PRPF39: variants seen among roughly 807,000 people sequenced by gnomAD.
PRPF39 encodes pre-mRNA processing factor 39.
A neutral mutation model predicts 82.1 loss-of-function variants in PRPF39; 27 were observed. The observed-to-expected ratio is 0.33, with a 90% CI of 0.24 to 0.45. The LOEUF (loss-of-function observed/expected upper bound fraction) is 0.45. Ranked by LOEUF, PRPF39 falls within the 20% of genes least tolerant of loss-of-function variation. The pLI, the probability that PRPF39 is intolerant of heterozygous loss-of-function variation, is 1.00. For missense variants in PRPF39, 581 were observed against 796.9 expected, an observed-to-expected ratio of 0.73 and a Z score of 3.26; for synonymous variants, 261 against 256.4, an observed-to-expected ratio of 1.02 and a Z score of -0.17.
In PRPF39 at chr14:45,112,449, A is replaced by G. The variant is rs1230932152; in HGVS notation, c.1704A>G (p.Thr568=). The G allele has an allele frequency of 1.3e-6, 2 of 1,541,252 alleles. No individual in the cohort carries two copies. Among genetic ancestry groups the G allele is most frequent in the East Asian group, 2.4e-5 (1 of 42,410 alleles). ...HGSLPIKMRI[T]FSQRKVEFLE... ...CATTACCTATTAAAATGAGAATTAC[A>G]TTTTCTCAGAGAAAAGTGGAATTTC... is the stretch of plus-strand genomic sequence containing the variant. The change falls in exon 11 of 14, where the codon ACA becomes ACG. Residue 568 remains threonine (T), a synonymous_variant. Transcript: ENST00000355765.
rs764441033 is a variant in PRPF39 at position 45,114,909 on chromosome 14, C to A, written c.2006C>A (p.Thr669Asn). The A allele has an allele frequency of 4.4e-6, 7 of 1,592,482 alleles. No homozygotes were observed. In the East Asian group the frequency reaches 1.6e-4, roughly 36 times the overall value. The change falls in exon 14 of 14, where the codon ACC (threonine) becomes AAC (asparagine). Residue 669 changes from threonine (T) to asparagine (N), a missense_variant. By Grantham distance (65) the Thr-to-Asn change is moderately conservative. Coordinates refer to ENST00000355765, the MANE Select transcript of PRPF39 (RefSeq NM_017922.4). ...GGACAATATTATCCTCCCCCTCCAA[C>A]CTGATGGGAAAAATGTAAATTTCAA... is the stretch of plus-strand genomic sequence containing the variant. ...NYGQYYPPPP[T>N]
intron 8 of PRPF39, 76 bp downstream of exon 8, chr14:45,109,856 G>C: frequency 6.6e-7 from 1 of 1,521,548 alleles, no homozygotes. Flanking sequence ...TTGTACTTCT[G>C]TTGAATGTTG....
chr14:45,088,914 T>G (rs1416186564), intron 1 of PRPF39, among the ~76,000 whole-genome samples: 1 of 152,242 alleles, frequency 6.6e-6, no homozygotes, highest in Non-Finnish European at 1.5e-5. Context: ...TATTCTATTT[T>G]CCATTTGAAG....
intron 4 of PRPF39, 88 bp downstream of exon 4, chr14:45,097,093 A>G (rs1884221949): frequency 1.4e-6 from 2 of 1,415,018 alleles, no homozygotes; most frequent in African/African-American, 1.4e-5. Flanking sequence ...GCTAAGCTGG[A>G]AGTTTAACTT....
chr14:45,108,486 G>A lies in PRPF39; in HGVS notation c.975G>A (p.Glu325=). 6.2e-7 allele frequency: 1 copy of A among 1,601,704 alleles called. No individual in the cohort carries two copies. Among genetic ancestry groups the A allele is most frequent in the Non-Finnish European group, 8.5e-7 (1 of 1,176,384 alleles). The stretch of plus-strand genomic sequence containing the variant: ...ATCAAGAAATGTTTAATTATAATGA[G>A]CATGAAGTTAGTAAAAGGTGGACAT... The part of the protein sequence containing the change: ...EIHQEMFNYN[E]HEVSKRWTFE... Residue 325 remains glutamate, a synonymous_variant, in exon 7 of 14, where the codon GAG becomes GAA. Coordinates refer to ENST00000355765, the MANE Select transcript of PRPF39 (RefSeq NM_017922.4).
chr14:45,093,385 G>A (rs1198847149), intron 1 of PRPF39, among the ~76,000 whole-genome samples: 1 of 151,486 alleles, frequency 6.6e-6, no homozygotes, highest in African/African-American at 2.4e-5. Context: ...ACCACACCCT[G>A]CTAATTTTTT....
chr14:45,104,331 T>C (rs1884461076), intron 5 of PRPF39, among the ~76,000 whole-genome samples: 1 of 152,214 alleles, frequency 6.6e-6, no homozygotes, highest in South Asian at 2.1e-4. Context: ...CCACTTTCCT[T>C]ATCAGTTATA....
chr14:45,110,517 C>T lies in PRPF39; in HGVS notation c.1304-32C>T, dbSNP rs1884668771. On this transcript the variant is annotated intron_variant, in intron 9 of 13. Transcript: ENST00000355765. The surrounding 1 kb of genome is among the most constrained non-coding windows in gnomAD (Gnocchi z 4.0). ...ATAAACGTTATTTTGGTTGTTTAAACCAAAGCATAAACATTTAATTACTGT... is the reference window on the plus strand; with the variant it reads ...ATAAACGTTATTTTGGTTGTTTAAATCAAAGCATAAACATTTAATTACTGT... 1.3e-6 allele frequency: 2 copies of T among 1,537,970 alleles called. No individual in the cohort carries two copies. Among genetic ancestry groups the T allele is most frequent in the Non-Finnish European group, 1.8e-6 (2 of 1,137,888 alleles).
intron 1 of PRPF39, among the ~76,000 whole-genome samples, chr14:45,095,007 A>C (rs563278143): frequency 6.2e-4 from 95 of 152,372 alleles, no homozygotes; most frequent in African/African-American, 2.2e-3. Flanking sequence ...TTTTCATTCA[A>C]ATACCAACAA....
In PRPF39 at chr14:45,110,330, T is replaced by C; in HGVS notation, c.1303+110T>C. ...GTAAAGCAGAGTTTGGCAAACTTTTTCTCTAAAGGGCCAGATAGTAAAAGC... is the reference window on the plus strand; with the variant it reads ...GTAAAGCAGAGTTTGGCAAACTTTTCCTCTAAAGGGCCAGATAGTAAAAGC... On this transcript the variant is annotated intron_variant, in intron 9 of 13. Coordinates refer to ENST00000355765, the MANE Select transcript of PRPF39 (RefSeq NM_017922.4). This position sits in a 1 kb window ranked among gnomAD's most constrained non-coding sequence, Gnocchi z 4.0. The C allele has an allele frequency of 3.5e-6, 5 of 1,434,442 alleles. No homozygotes were observed. Among genetic ancestry groups the C allele is most frequent in the Non-Finnish European group, 2.8e-6 (3 of 1,064,440 alleles). The allele number at this position is 1,434,442 out of a possible 1,614,324, so 88.9% of individuals were successfully genotyped here. A position where few individuals can be genotyped will look rare whatever the true frequency, so the allele number is the denominator to read the frequency against.
At chr14:45,097,800 A>G (rs1367165097) in intron 4 of PRPF39, among the ~76,000 whole-genome samples, 2 of 152,188 alleles carry the variant, frequency 1.3e-5, no homozygotes, top group Non-Finnish European at 1.5e-5. Context: ...TTGCTAATGT[A>G]CTTGTTTTTG....
chr14:45,093,978 A>T (rs1805380344), intron 1 of PRPF39, among the ~76,000 whole-genome samples: 1 of 152,154 alleles, frequency 6.6e-6, no homozygotes, highest in African/African-American at 2.4e-5. Flanking sequence ...TACAGTTGCT[A>T]TTTGGTACAC....
chr14:45,101,848 C>T (rs1469273453), intron 4 of PRPF39, among the ~76,000 whole-genome samples: 1 of 151,650 alleles, frequency 6.6e-6, no homozygotes, highest in Non-Finnish European at 1.5e-5. Context: ...GCTCTGTCGC[C>T]CAGTCTGGAG....
At chr14:45,105,415 C>CA (rs1884497113) in intron 5 of PRPF39, among the ~76,000 whole-genome samples, 1 of 151,806 alleles carries the variant, frequency 6.6e-6, no homozygotes, top group Non-Finnish European at 1.5e-5. Context: ...AATTTTTTAA[C>CA]ATAAGGCAAT....
chr14:45,087,115 T>G (rs1437891476), intron 1 of PRPF39, among the ~76,000 whole-genome samples: 1 of 152,160 alleles, frequency 6.6e-6, no homozygotes, highest in African/African-American at 2.4e-5. Flanking sequence ...GTTAATTTTT[T>G]AAGGTGTATT....
intron 1 of PRPF39, among the ~76,000 whole-genome samples, chr14:45,092,515 C>T (rs920273956): frequency 6.7e-6 from 1 of 150,032 alleles, no homozygotes; most frequent in Non-Finnish European, 1.5e-5. Context: ...GCAGGAGAAT[C>T]GCTTGAACCC....
At chr14:45,095,126 A>AAG in intron 1 of PRPF39, 95 bp from the exon 2 acceptor site, 6 of 712,002 alleles carry the variant, frequency 8.4e-6, no homozygotes, top group Admixed American at 6.0e-5. Context: ...ATATTTCTTT[A>AAG]ATAGCTAAAT....
At position 45,110,699 on chromosome 14, in the gene PRPF39, C is replaced by A; in HGVS notation, c.1454C>A (p.Ala485Asp). The A allele has an allele frequency of 6.4e-7, 1 of 1,570,952 alleles. No individual in the cohort carries two copies. The highest frequency in any genetic ancestry group is 1.9e-5 in the Admixed American group (1 of 53,474). Residue 485 changes from alanine (A) to aspartate (D), a missense_variant, in exon 10 of 14, where the codon GCC (alanine) becomes GAC (aspartate). Ala to Asp is a moderately radical substitution (Grantham distance 126, BLOSUM62 -2). Coordinates refer to ENST00000355765, the MANE Select transcript of PRPF39 (RefSeq NM_017922.4). The surrounding 1 kb of genome is among the most constrained non-coding windows in gnomAD (Gnocchi z 4.0). ...TTGCTTCAGGATGCCATTAAGAATGCCAAATCAAATAATGAATCTTCATTT... is the reference window on the plus strand; with the variant it reads ...TTGCTTCAGGATGCCATTAAGAATGACAAATCAAATAATGAATCTTCATTT... ...EHLLQDAIKN[A>D]KSNNESSFYA...
chr14:45,093,851 G>C (rs891018180), intron 1 of PRPF39, among the ~76,000 whole-genome samples: 3 of 152,112 alleles, frequency 2.0e-5, no homozygotes, highest in Non-Finnish European at 4.4e-5. Flanking sequence ...CACCACGCCC[G>C]GCCAAAGCAG....
Sources: gnomAD v4.1 joint callset for allele counts (sites outside exome capture counted in the v4.1 genomes callset) on GRCh38, gnomAD v4.1.1 for gene constraint, Gnocchi (gnomAD v3.1) non-coding constraint, MANE v1.5 for transcripts, NCBI Gene and HGNC (gene_info 2026-07-23, HGNC 2026-07-21) for gene names.